The following RBMXL1 variants were observed in gnomAD, a reference collection of about 807,000 sequenced individuals.
RBMXL1 encodes the protein RNA binding motif protein, X-linked-like-1.
Under a neutral mutation model 29.0 loss-of-function variants are expected in RBMXL1, and 18 were observed. The ratio of observed to expected loss-of-function variants is 0.62; its 90% CI spans 0.43 to 0.92. The LOEUF is 0.92. Among genes scored for constraint, RBMXL1 ranks in the 40% least tolerant of loss-of-function variants. The probability of loss-of-function intolerance (pLI) is 0.00; values close to 1 mark genes in which losing one functional copy is unlikely to be tolerated. For synonymous variants in RBMXL1, 141 were observed against 170.4 expected, an observed-to-expected ratio of 0.83 and a Z score of 1.34; for missense variants, 403 against 495.8, an observed-to-expected ratio of 0.81 and a Z score of 1.78.
At chr1:88,988,412 G>C (rs961991729) in intron 1 of RBMXL1, 61 bp from the exon 2 acceptor site, 1 of 914,712 alleles carries the variant, frequency 1.1e-6, no homozygotes, top group East Asian at 2.5e-5. Flanking sequence ...ATCACTATCA[G>C]ACACTTACAG....
chr1:88,984,429 T>A (rs1328788323), intron 2 of RBMXL1, among the ~76,000 whole-genome samples: 1 of 152,100 alleles, frequency 6.6e-6, no homozygotes, highest in Non-Finnish European at 1.5e-5. Context: ...GCCATGCTGG[T>A]ATGGAACTCC....
Position 88,979,901 on chromosome 1 carries a change from A to T in RBMXL1, c.*2753T>A, listed in dbSNP as rs931775323. On this transcript the variant is annotated 3_prime_UTR_variant, in exon 3 of 3. Transcript: ENST00000652648. ...TAACAGTTTTATTCACAGTAGCCCC[A>T]AACTGGAAACAATCCCAAGGTCCAT... The T allele has an allele frequency of 1.3e-5, 2 of 152,244 alleles. No individual in the cohort carries two copies. The highest frequency in any genetic ancestry group is 4.8e-5 in the African/African-American group (2 of 41,460). 9.4% of individuals were successfully genotyped at this position (152,244 alleles called of 1,614,324 possible). A position where few individuals can be genotyped will look rare whatever the true frequency, so the allele number is the denominator to read the frequency against.
chr1:88,989,621 T>C (rs1677670808), intron 1 of RBMXL1, among the ~76,000 whole-genome samples: 3 of 152,162 alleles, frequency 2.0e-5, no homozygotes, highest in Non-Finnish European at 2.9e-5. Flanking sequence ...TTACATTGCA[T>C]GATGGAGGTA....
Position 88,983,836 on chromosome 1 carries a change from T to C in RBMXL1, c.-10A>G, listed in dbSNP as rs1677260033. 6.2e-7 allele frequency: 1 copy of C among 1,613,662 alleles called. No individual in the cohort carries two copies. Among genetic ancestry groups the C allele is most frequent in the Admixed American group, 1.7e-5 (1 of 59,998 alleles). On this transcript the variant is annotated 5_prime_UTR_variant, in exon 3 of 3. Transcript: ENST00000652648. Reference sequence around the variant, plus strand: ...GATCTGCTTCAACCATTTTTTTTTTTGCCGGTGAGTCGGAGGGGTGACAGT... The same window carrying C: ...GATCTGCTTCAACCATTTTTTTTTTCGCCGGTGAGTCGGAGGGGTGACAGT...
At chr1:88,992,186 G>C (rs1677844905) in intron 1 of RBMXL1, among the ~76,000 whole-genome samples, 1 of 152,094 alleles carries the variant, frequency 6.6e-6, no homozygotes, top group African/African-American at 2.4e-5. Context: ...CACCGTGTTA[G>C]CCAGGATGGT....
In RBMXL1 at chr1:88,987,611, A is replaced by T. The variant is rs538542777; in HGVS notation, c.-241+641T>A. Among the ~76,000 whole-genome samples the T allele has an allele frequency of 1.3e-5, 2 of 152,312 alleles. 1 individual carries two copies. The highest frequency in any genetic ancestry group is 4.1e-4 in the South Asian group (2 of 4,828). The stretch of plus-strand genomic sequence containing the variant: ...AATATAAAACACTCATATGCACACT[A>T]CCCAGATTCAGTAATTCTCAAGATT... On this transcript the variant is annotated intron_variant, in intron 2 of 2. Transcript: ENST00000652648.
chr1:88,980,045 G>A lies in RBMXL1; in HGVS notation c.*2609C>T, dbSNP rs901089019. The A allele has an allele frequency of 1.3e-5, 2 of 152,148 alleles. No homozygotes were observed. Among genetic ancestry groups the A allele is most frequent in the African/African-American group, 2.4e-5 (1 of 41,430 alleles). 9.4% of individuals were successfully genotyped at this position (152,148 alleles called of 1,614,324 possible). On this transcript the variant is annotated 3_prime_UTR_variant, in exon 3 of 3. Transcript: ENST00000652648. ...GGTGAATTTCAAAGTCATTGTGTGT[G>A]AAAGAAACCATAAACAAAAAAGTAC...
Position 88,982,183 on chromosome 1 carries a change from C to T in RBMXL1, c.*471G>A. 1 of 873,358 alleles carries T rather than the reference C, an allele frequency of 1.1e-6. No individual in the cohort carries two copies. Among genetic ancestry groups the T allele is most frequent in the Non-Finnish European group, 1.4e-6 (1 of 726,008 alleles). 54.1% of individuals were successfully genotyped at this position (873,358 alleles called of 1,614,324 possible). ...GATTTCAGGTTTTGCATACTGAGAA[C>T]AGTGAGATTTCAGTTAGAAAACACC... On this transcript the variant is annotated 3_prime_UTR_variant, in exon 3 of 3. Transcript: ENST00000652648.
chr1:88,991,902 T>C (rs974769374), intron 1 of RBMXL1, among the ~76,000 whole-genome samples: 1 of 152,176 alleles, frequency 6.6e-6, no homozygotes, highest in African/African-American at 2.4e-5. Context: ...AGCAACAGAC[T>C]GCCTTTCTGT....
Position 88,983,165 on chromosome 1 carries a change from G to C in RBMXL1, c.662C>G (p.Ser221Ter). ...DDGYSTKDSYSSRDYPSSRDT... is the reference protein window; with the variant it reads ...DDGYSTKDSY Reference sequence around the variant, plus strand: ...ACGAGAACTTGGGTAATCTCTGCTTGAATAGCTGTCTTTAGTAGAATACCC... The same window carrying C: ...ACGAGAACTTGGGTAATCTCTGCTTCAATAGCTGTCTTTAGTAGAATACCC... Residue 221 changes from serine (S) to a stop codon, truncating the protein, a stop_gained, in exon 3 of 3, where the codon TCA (serine) becomes TGA (stop). Coordinates refer to ENST00000652648, the MANE Select transcript of RBMXL1 (RefSeq NM_001162536.3). LOFTEE classifies it high-confidence loss of function. 1 of 1,612,584 alleles carries C rather than the reference G, an allele frequency of 6.2e-7. No individual in the cohort carries two copies. Among genetic ancestry groups the C allele is most frequent in the Non-Finnish European group, 8.5e-7 (1 of 1,180,016 alleles).
In RBMXL1 at chr1:88,980,298, G is replaced by A. The variant is rs1557703612; in HGVS notation, c.*2356C>T. Reference sequence around the variant, plus strand: ...TAATTCTAAACAGATACAGTTTACTGTAACTTGATAAAGCTGAATTTAAAA... The same window carrying A: ...TAATTCTAAACAGATACAGTTTACTATAACTTGATAAAGCTGAATTTAAAA... On this transcript the variant is annotated 3_prime_UTR_variant, in exon 3 of 3. Transcript: ENST00000652648. The A allele has an allele frequency of 6.6e-6, 1 of 152,604 alleles. No homozygotes were observed. Among genetic ancestry groups the A allele is most frequent in the Admixed American group, 6.5e-5 (1 of 15,278 alleles). 9.5% of individuals were successfully genotyped at this position (152,604 alleles called of 1,614,324 possible).
In RBMXL1 at chr1:88,983,224, A is replaced by G. The variant is rs1454002085; in HGVS notation, c.603T>C (p.Ser201=). ...GGPPRREPLP[S]RRDVYLSPRD... ...TTGGGGACAAATAAACATCTCTACG[A>G]GAGGGGAGCGGTTCCCTTCGAGGTG... is the stretch of plus-strand genomic sequence containing the variant. The change falls in exon 3 of 3, where the codon TCT becomes TCC. Residue 201 remains serine, a synonymous_variant. Transcript: ENST00000652648. 6.2e-7 allele frequency: 1 copy of G among 1,613,140 alleles called. No homozygotes were observed. Among genetic ancestry groups the G allele is most frequent in the African/African-American group, 1.3e-5 (1 of 74,900 alleles).
Position 88,980,197 on chromosome 1 carries a change from C to A in RBMXL1, c.*2457G>T, listed in dbSNP as rs1468708074. 1 of 152,354 alleles carries A rather than the reference C, an allele frequency of 6.6e-6. No individual in the cohort carries two copies. The allele number at this position is 152,354 out of a possible 1,614,324, so 9.4% of individuals were successfully genotyped here. On this transcript the variant is annotated 3_prime_UTR_variant, in exon 3 of 3. Transcript: ENST00000652648. Reference sequence around the variant, plus strand: ...AGGAACTTGAGGAATCTTTTGGGGGCGATGGAAGTGTTCTGCATGTTGATG... The same window carrying A: ...AGGAACTTGAGGAATCTTTTGGGGGAGATGGAAGTGTTCTGCATGTTGATG...
chr1:88,984,100 G>A (rs150152732), intron 2 of RBMXL1, 34 bp from the exon 3 acceptor site: 2 of 450,170 alleles, frequency 4.4e-6, no homozygotes. Flanking sequence ...GTAAAACTCA[G>A]AAGTGGAAAT....
At chr1:88,984,978 T>A (rs1346060448) in intron 2 of RBMXL1, among the ~76,000 whole-genome samples, 1 of 152,276 alleles carries the variant, frequency 6.6e-6, no homozygotes, top group African/African-American at 2.4e-5. Context: ...TAAAAATCTT[T>A]AGCACATGTT....
Position 88,983,105 on chromosome 1 carries a change from T to C in RBMXL1, c.722A>G (p.Tyr241Cys), listed in dbSNP as rs1310396339. The C allele has an allele frequency of 6.2e-7, 1 of 1,612,280 alleles. No individual in the cohort carries two copies. The highest frequency in any genetic ancestry group is 8.5e-7 in the Non-Finnish European group (1 of 1,180,004). The change falls in exon 3 of 3, where the codon TAT becomes TGT. Residue 241 changes from tyrosine to cysteine, a missense_variant. Transcript: ENST00000652648. ...GGAATGACCATAATCACGGTAAGTA[T>C]AATCTCGTGGTGGTGGTGCATAATC... ...TRDYAPPPRD[Y>C]TYRDYGHSSS...
intron 2 of RBMXL1, among the ~76,000 whole-genome samples, chr1:88,986,596 T>C (rs2101095172): frequency 6.6e-6 from 1 of 152,166 alleles, no homozygotes; most frequent in Middle Eastern, 3.4e-3. Flanking sequence ...CCCGCCTACA[T>C]TTTTCCTTTA....
At chr1:88,989,915 A>G (rs1557711905) in intron 1 of RBMXL1, among the ~76,000 whole-genome samples, 1 of 152,200 alleles carries the variant, frequency 6.6e-6, no homozygotes, top group Non-Finnish European at 1.5e-5. Context: ...TGGTTTCACC[A>G]CAGATTTGTG....
chr1:88,986,210 C>G (rs112131774), intron 2 of RBMXL1, among the ~76,000 whole-genome samples: 3,518 of 148,602 alleles, frequency 0.024, 124 homozygotes, highest in African/African-American at 0.082. Flanking sequence ...GAGAGAGAGA[C>G]AGAGAGAGTT....
Sources: allele counts gnomAD v4.1 joint callset (sites outside exome capture counted in the v4.1 genomes callset), GRCh38; gene constraint gnomAD v4.1.1; transcripts MANE v1.5; gene names NCBI Gene and HGNC (gene_info 2026-07-23, HGNC 2026-07-21).